Variants in CDH12 observed in about 807,000 individuals in gnomAD.
CDH12 encodes the protein cadherin-12.
A neutral mutation model predicts 74.1 loss-of-function variants in CDH12; 41 were observed. That is an observed-to-expected ratio of 0.55 (90% CI 0.43 to 0.72). CDH12 has a LOEUF of 0.72. Ranked by LOEUF, CDH12 falls within the 30% of genes least tolerant of loss-of-function variation. CDH12 has a pLI of 0.00. For missense variants in CDH12, 945 were observed against 977.2 expected (o/e 0.97, Z 0.44); for synonymous variants, 399 against 355.0 (o/e 1.12, Z -1.39).
At chr5:22,374,802 T>A (rs1741449982) in intron 3 of CDH12, among the ~76,000 whole-genome samples, 1 of 151,190 alleles carries the variant, frequency 6.6e-6, no homozygotes, top group Non-Finnish European at 1.5e-5. Context: ...TGCAAAAAAT[T>A]GAAGAGAAAA....
intron 1 of CDH12, among the ~76,000 whole-genome samples, chr5:22,737,356 A>G (rs1744782987): frequency 6.6e-6 from 1 of 152,022 alleles, no homozygotes; most frequent in Non-Finnish European, 1.5e-5. Context: ...TAATAACAAA[A>G]AAACTTCTAC....
At chr5:21,997,136 A>G (rs1243281456) in intron 5 of CDH12, among the ~76,000 whole-genome samples, 4 of 152,046 alleles carry the variant, frequency 2.6e-5, no homozygotes, top group Non-Finnish European at 5.9e-5. Context: ...AAACCTTGGG[A>G]TATTAAAGTA....
intron 6 of CDH12, among the ~76,000 whole-genome samples, chr5:21,913,970 C>T (rs1270568164): frequency 6.6e-6 from 1 of 152,172 alleles, no homozygotes; most frequent in Non-Finnish European, 1.5e-5. Flanking sequence ...AGGTGTGACA[C>T]ACCACACCCA....
At position 21,755,710 on chromosome 5, in the gene CDH12, A is replaced by G. The variant is rs1301771788; in HGVS notation, c.1766T>C (p.Val589Ala). The G allele has an allele frequency of 6.2e-7, 1 of 1,613,980 alleles. No homozygotes were observed. ...GGTGCCATCAGAGTCACATCTACAG[A>G]CTCGAATAGTCATTGTGTTTGTGCT... ...QSSTNTMTIR[V>A]CRCDSDGTIL... Residue 589 changes from valine to alanine, a missense_variant, in exon 14 of 15, where the codon GTC becomes GCC. Transcript: ENST00000382254.
At chr5:22,128,844 C>T (rs984096735) in intron 4 of CDH12, among the ~76,000 whole-genome samples, 2 of 152,156 alleles carry the variant, frequency 1.3e-5, no homozygotes, top group African/African-American at 4.8e-5. Context: ...TCTAATAAGA[C>T]AGAATATGCA....
intron 3 of CDH12, among the ~76,000 whole-genome samples, chr5:22,379,289 GA>G (rs1317085962): frequency 1.3e-5 from 2 of 152,104 alleles, no homozygotes; most frequent in Non-Finnish European, 2.9e-5. Flanking sequence ...TGTGTACTGG[GA>G]AGAAAGGAAA....
At chr5:21,871,346 A>G (rs1021148595) in intron 6 of CDH12, among the ~76,000 whole-genome samples, 9 of 152,130 alleles carry the variant, frequency 5.9e-5, no homozygotes, top group Non-Finnish European at 1.2e-4. Flanking sequence ...ACATAGCATC[A>G]ATTTTCTAGT....
intron 7 of CDH12, among the ~76,000 whole-genome samples, chr5:21,848,437 A>T (rs1196795435): frequency 6.6e-6 from 1 of 152,012 alleles, no homozygotes; most frequent in East Asian, 1.9e-4. Flanking sequence ...TTTCAATTCC[A>T]TAGCTCAGTT....
rs200780804 is a variant in CDH12 at position 21,784,279 on chromosome 5, AT to A, written c.1257-786del. 1.2e-3 allele frequency among the ~76,000 whole-genome samples: 176 copies of A among 152,180 alleles called. 1 individual carries two copies. The East Asian group carries it at 0.024, about 21-fold the overall frequency. On this transcript the variant is annotated intron_variant, in intron 10 of 14. Transcript: ENST00000382254. The stretch of plus-strand genomic sequence containing the variant: ...GATATATGGATCGGCATTATGTGAA[AT>A]TTTTTTCCAACATGTGTTTTCAATC...
chr5:22,541,516 C>A (rs1388397815), intron 1 of CDH12, among the ~76,000 whole-genome samples: 1 of 152,158 alleles, frequency 6.6e-6, no homozygotes, highest in African/African-American at 2.4e-5. Context: ...CACTTAGGGA[C>A]AAAACCTGAT....
intron 4 of CDH12, among the ~76,000 whole-genome samples, chr5:22,175,954 C>G (rs1469433124): frequency 6.6e-6 from 1 of 152,306 alleles, no homozygotes; most frequent in South Asian, 2.1e-4. Flanking sequence ...CTTCCTTTCT[C>G]CACTCCTAAA....
intron 4 of CDH12, among the ~76,000 whole-genome samples, chr5:22,188,704 T>G (rs1483265805): frequency 1.3e-5 from 2 of 152,204 alleles, no homozygotes; most frequent in Non-Finnish European, 2.9e-5. Context: ...ACTCTCGCTT[T>G]GGAGCTAGGG....
In CDH12 at chr5:22,796,778, C is replaced by G. The variant is rs1307185190; in HGVS notation, c.-523+56280G>C. Reference sequence around the variant, plus strand: ...CTCGTGATCCGCCCGCCTCGGCCTCCCAAAGTGCTGGGATTACAGGCGTGA... The same window carrying G: ...CTCGTGATCCGCCCGCCTCGGCCTCGCAAAGTGCTGGGATTACAGGCGTGA... On this transcript the variant is annotated intron_variant, in intron 1 of 14. Coordinates refer to ENST00000382254, the MANE Select transcript of CDH12 (RefSeq NM_004061.5). 1.3e-5 allele frequency among the ~76,000 whole-genome samples: 2 copies of G among 150,518 alleles called. 1 individual carries two copies. The highest frequency in any genetic ancestry group is 2.9e-5 in the Non-Finnish European group (2 of 67,876).
At chr5:22,770,316 CAT>C (rs1746741418) in intron 1 of CDH12, among the ~76,000 whole-genome samples, 1 of 152,226 alleles carries the variant, frequency 6.6e-6, no homozygotes, top group African/African-American at 2.4e-5. Flanking sequence ...GGGAAGAAAA[CAT>C]ATACGAATTC....
chr5:22,170,469 A>C (rs1184688297), intron 4 of CDH12, among the ~76,000 whole-genome samples: 1 of 151,752 alleles, frequency 6.6e-6, no homozygotes. Context: ...TAGTTAAATA[A>C]ATCATTACCT....
intron 3 of CDH12, among the ~76,000 whole-genome samples, chr5:22,264,983 G>C: frequency 6.6e-6 from 1 of 152,140 alleles, no homozygotes; most frequent in Non-Finnish European, 1.5e-5. Flanking sequence ...CCCTCAGTTT[G>C]AGAACTGAGA....
intron 2 of CDH12, among the ~76,000 whole-genome samples, chr5:22,414,826 A>C (rs1201005129): frequency 6.6e-6 from 1 of 151,972 alleles, no homozygotes; most frequent in Non-Finnish European, 1.5e-5. Context: ...TAGAAACAAA[A>C]AAGTGAAAAA....
At chr5:22,538,458 G>T (rs1316564134) in intron 1 of CDH12, among the ~76,000 whole-genome samples, 1 of 152,138 alleles carries the variant, frequency 6.6e-6, no homozygotes, top group African/African-American at 2.4e-5. Context: ...TCTTTATTGT[G>T]GGAGGCTGCT....
intron 2 of CDH12, among the ~76,000 whole-genome samples, chr5:22,455,014 A>G (rs186815869): frequency 6.6e-6 from 1 of 152,332 alleles, no homozygotes; most frequent in Admixed American, 6.5e-5. Context: ...GTAGAAGAAA[A>G]TGATACCTGA....
Sources: gnomAD v4.1 joint callset for allele counts (sites outside exome capture counted in the v4.1 genomes callset) on GRCh38, gnomAD v4.1.1 for gene constraint, MANE v1.5 for transcripts, NCBI Gene and HGNC (gene_info 2026-07-23, HGNC 2026-07-21) for gene names.